Variants in XRN2 observed in about 807,000 individuals in gnomAD.
XRN2 encodes DHM1-like protein.
In XRN2, 44 loss-of-function variants were observed where a neutral mutation model predicts 138.5. That is an observed-to-expected ratio of 0.32 (90% CI 0.25 to 0.41). XRN2 has a LOEUF of 0.41. XRN2 is among the 10% of genes least tolerant of loss of function. XRN2 has a pLI of 1.00. For synonymous variants in XRN2, 354 were observed against 369.4 expected, an observed-to-expected ratio of 0.96 and a Z score of 0.48; for missense variants, 937 against 1,169.3, an observed-to-expected ratio of 0.80 and a Z score of 2.90.
intron 1 of XRN2, among the ~76,000 whole-genome samples, chr20:21,321,016 G>A (rs1435654234): frequency 2.6e-5 from 4 of 151,742 alleles, no homozygotes; most frequent in African/African-American, 7.3e-5. Context: ...CACTGTTTTG[G>A]TTTGTTTCTT....
At chr20:21,366,996 T>G (rs1420927834) in intron 26 of XRN2, among the ~76,000 whole-genome samples, 1 of 152,226 alleles carries the variant, frequency 6.6e-6, no homozygotes, top group African/African-American at 2.4e-5. Flanking sequence ...TAATGTATGA[T>G]GGAGACTCTT....
At position 21,368,467 on chromosome 20, in the gene XRN2, G is replaced by A. The variant is rs747575415; in HGVS notation, c.2461G>A (p.Val821Met). ...DQAAFRTLGH[V>M]MPRGSGTGIY... is the part of the protein sequence containing the mutation. ...TTGTGTTGGGTCCTTTTATAGCCATGTGATGCCAAGAGGCTCAGGAACTGG... is the reference window on the plus strand; with the variant it reads ...TTGTGTTGGGTCCTTTTATAGCCATATGATGCCAAGAGGCTCAGGAACTGG... The change falls in exon 27 of 30, where the codon GTG (valine) becomes ATG (methionine). Residue 821 changes from valine to methionine, a missense_variant. Physicochemically the swap from Val to Met is conservative, Grantham distance 21. This residue lies in a region of XRN2 where 372 missense variants were observed against 414.4 expected (regional missense o/e 0.90). Transcript: ENST00000377191. 1.1e-5 allele frequency: 17 copies of A among 1,613,622 alleles called. No individual in the cohort carries two copies. Among genetic ancestry groups the A allele is most frequent in the Non-Finnish European group, 1.3e-5 (15 of 1,179,818 alleles).
chr20:21,375,973 G>A (rs900124095), intron 27 of XRN2, among the ~76,000 whole-genome samples: 13 of 151,430 alleles, frequency 8.6e-5, no homozygotes, highest in Non-Finnish European at 1.9e-4. Flanking sequence ...TGAGTAGCTC[G>A]GACTACAGGC....
rs1297248970 is a variant in XRN2, at chr20:21,346,473, G to T, written c.1588G>T (p.Ala530Ser). 6.2e-7 allele frequency: 1 copy of T among 1,614,070 alleles called. No individual in the cohort carries two copies. Among genetic ancestry groups the T allele is most frequent in the African/African-American group, 1.3e-5 (1 of 74,926 alleles). ...YYKNKFDVDA[A>S]DEKFRRKVVQ... ...CAAGAACAAATTTGATGTGGATGCA[G>T]CTGATGAGAAATTCCGTCGGAAAGT... The change falls in exon 17 of 30, where the codon GCT becomes TCT. Residue 530 changes from alanine to serine, a missense_variant. Ala to Ser is a moderately conservative substitution (Grantham distance 99). Transcript: ENST00000377191.
At chr20:21,374,422 T>A (rs6035862) in intron 27 of XRN2, among the ~76,000 whole-genome samples, 102,019 of 151,980 alleles carry the variant, frequency 0.67, 35,098 homozygotes, top group South Asian at 0.83. Flanking sequence ...CTTTTACTGT[T>A]TCATCATTAA....
intron 24 of XRN2, among the ~76,000 whole-genome samples, chr20:21,364,076 C>T (rs1007729828): frequency 2.0e-5 from 3 of 152,062 alleles, no homozygotes; most frequent in Non-Finnish European, 2.9e-5. Context: ...GGACTACAGG[C>T]GCCCGCCACC....
At chr20:21,363,267 G>T (rs545741296) in intron 24 of XRN2, among the ~76,000 whole-genome samples, 7 of 151,916 alleles carry the variant, frequency 4.6e-5, no homozygotes, top group African/African-American at 1.4e-4. Flanking sequence ...GATGCCTGGC[G>T]GTGTGCATAA....
In XRN2 at chr20:21,359,469, G is replaced by A. The variant is rs368759557; in HGVS notation, c.2255+1677G>A. ...GAGAACCGCTTGAACCCAGGAGGCC[G>A]AGGCCTCAGTGAGCCAAGATCACAC... On this transcript the variant is annotated intron_variant, in intron 24 of 29. Transcript: ENST00000377191. Among the ~76,000 whole-genome samples the A allele has an allele frequency of 4.6e-4, 69 of 151,140 alleles. 1 individual carries two copies. In the South Asian group the frequency reaches 0.013, roughly 29 times the overall value.
chr20:21,374,587 TA>T, intron 27 of XRN2, among the ~76,000 whole-genome samples: 1 of 152,280 alleles, frequency 6.6e-6, no homozygotes, highest in East Asian at 1.9e-4. Context: ...TTTGTTGTGT[TA>T]ATATGGTAAA....
At chr20:21,313,246 C>T (rs1359761) in intron 1 of XRN2, among the ~76,000 whole-genome samples, 103,174 of 152,006 alleles carry the variant, frequency 0.68, 35,737 homozygotes, top group South Asian at 0.84. Context: ...TAACACACTA[C>T]GCTACACTGT....
At chr20:21,347,492 C>T (rs1278575151) in intron 17 of XRN2, among the ~76,000 whole-genome samples, 1 of 152,172 alleles carries the variant, frequency 6.6e-6, no homozygotes, top group Non-Finnish European at 1.5e-5. Context: ...TAACACAGTG[C>T]ACTGAGTATT....
At chr20:21,320,279 G>GTATTTATTTATGTATTTATTTATTTATT (rs1555783270) in intron 1 of XRN2, among the ~76,000 whole-genome samples, 1 of 88,628 alleles carries the variant, frequency 1.1e-5, no homozygotes, top group African/African-American at 3.8e-5. Context: ...ATTTATTTAT[G>GTATTTATTTATGTATTTATTTATTTATT]TATTTATTTA....
chr20:21,374,362 A>G (rs1010422560), intron 27 of XRN2, among the ~76,000 whole-genome samples: 7 of 152,140 alleles, frequency 4.6e-5, no homozygotes, highest in Admixed American at 6.5e-5. Context: ...CATAATTAAT[A>G]GAAGTGATGA....
intron 24 of XRN2, among the ~76,000 whole-genome samples, chr20:21,364,943 C>T (rs961519239): frequency 4.6e-5 from 7 of 152,208 alleles, no homozygotes; most frequent in Non-Finnish European, 8.8e-5. Context: ...CCATCCCCCC[C>T]GCACCATAGA....
chr20:21,369,708 T>C (rs1418826828), intron 27 of XRN2, among the ~76,000 whole-genome samples: 1 of 152,212 alleles, frequency 6.6e-6, no homozygotes, highest in Non-Finnish European at 1.5e-5. Context: ...CACTTTAAAA[T>C]CAGATTATTA....
At chr20:21,337,159 C>G (rs2038306445) in intron 13 of XRN2, among the ~76,000 whole-genome samples, 1 of 152,210 alleles carries the variant, frequency 6.6e-6, no homozygotes, top group African/African-American at 2.4e-5. Context: ...TTGACACATA[C>G]TGTAAAAGGA....
At chr20:21,350,044 GA>G (rs1429748052) in intron 20 of XRN2, among the ~76,000 whole-genome samples, 3 of 152,232 alleles carry the variant, frequency 2.0e-5, no homozygotes, top group African/African-American at 4.8e-5. Flanking sequence ...ATACTCCATG[GA>G]AACTTTTGAA....
intron 15 of XRN2, among the ~76,000 whole-genome samples, chr20:21,341,410 T>TA (rs1284448995): frequency 1.3e-5 from 2 of 152,242 alleles, no homozygotes; most frequent in Non-Finnish European, 2.9e-5. Flanking sequence ...AGGTAGCACT[T>TA]ACTGGTTACT....
intron 24 of XRN2, among the ~76,000 whole-genome samples, chr20:21,362,634 C>G (rs1388195288): frequency 1.3e-5 from 2 of 152,168 alleles, no homozygotes; most frequent in South Asian, 2.1e-4. Context: ...TGACTACTTG[C>G]AAAGGCATCA....
Sources: allele counts gnomAD v4.1 joint callset (sites outside exome capture counted in the v4.1 genomes callset), GRCh38; gene constraint gnomAD v4.1.1; regional missense constraint gnomAD v4.1.1; transcripts MANE v1.5; gene names NCBI Gene and HGNC (gene_info 2026-07-23, HGNC 2026-07-21).